MEF2A: variants seen among roughly 807,000 people sequenced by gnomAD.
MEF2A encodes the protein myocyte-specific enhancer factor 2A.
MEF2A carries 28 observed loss-of-function variants against 55.8 expected under a neutral mutation model. The observed-to-expected ratio is 0.50, with a 90% CI of 0.37 to 0.69. The LOEUF (loss-of-function observed/expected upper bound fraction) is 0.69, where lower values mean the gene tolerates loss of function less well. Among genes scored for constraint, MEF2A ranks in the 30% least tolerant of loss-of-function variants. MEF2A has a pLI of 0.00. For missense variants in MEF2A, 528 were observed against 626.2 expected (o/e 0.84, Z 1.67); for synonymous variants, 239 against 227.1 (o/e 1.05, Z -0.47).
At chr15:99,588,764 TG>T (rs1968271353) in intron 1 of MEF2A, among the ~76,000 whole-genome samples, 2 of 151,980 alleles carry the variant, frequency 1.3e-5, no homozygotes, top group African/African-American at 4.8e-5. Flanking sequence ...TTTTTGTTTT[TG>T]TTTTTTTTTT....
Position 99,584,625 on chromosome 15 carries a change from A to G in MEF2A, c.-224-13805A>G, listed in dbSNP as rs115346532. Among the ~76,000 whole-genome samples, 1,477 of 152,292 alleles carry G rather than the reference A, an allele frequency of 9.7e-3. 21 individuals carry two copies. Among genetic ancestry groups the G allele is most frequent in the African/African-American group, 0.032 (1,336 of 41,556 alleles). ...TCCATTTGTATGAAATTTCTGGAAT[A>G]GGCAAATGTATAGAGACAGAAAGTA... On this transcript the variant is annotated intron_variant, in intron 1 of 11. Transcript: ENST00000557942.
At chr15:99,643,399 T>G (rs1225965625) in intron 3 of MEF2A, among the ~76,000 whole-genome samples, 1 of 152,170 alleles carries the variant, frequency 6.6e-6, no homozygotes, top group Non-Finnish European at 1.5e-5. Context: ...TGTGACTTGT[T>G]ATATTTTGTT....
chr15:99,699,248 C>G (rs961925892), intron 8 of MEF2A, among the ~76,000 whole-genome samples: 7 of 152,148 alleles, frequency 4.6e-5, no homozygotes, highest in African/African-American at 1.7e-4. Context: ...TAAAGAAATG[C>G]TACTCAGCAA....
intron 1 of MEF2A, among the ~76,000 whole-genome samples, chr15:99,589,906 A>G (rs893896921): frequency 2.0e-5 from 3 of 151,976 alleles, no homozygotes; most frequent in Non-Finnish European, 4.4e-5. Flanking sequence ...GTCTTGTTTT[A>G]TGGTCCAGCA....
intron 2 of MEF2A, among the ~76,000 whole-genome samples, chr15:99,615,972 A>G (rs1489479574): frequency 6.6e-6 from 1 of 152,074 alleles, no homozygotes. Context: ...TTCAAAATGG[A>G]CTCTTCTGTG....
chr15:99,567,548 A>G (rs1056597815), intron 1 of MEF2A, among the ~76,000 whole-genome samples: 14 of 152,196 alleles, frequency 9.2e-5, no homozygotes, highest in African/African-American at 3.4e-4. Context: ...AAACATACAA[A>G]AATGACATTT....
chr15:99,703,462 C>T (rs2057667357), intron 9 of MEF2A, 77 bp downstream of exon 9: 3 of 1,444,056 alleles, frequency 2.1e-6, no homozygotes, highest in Non-Finnish European at 2.8e-6. Context: ...TGTTATCTAA[C>T]CAATGTTCCC....
In MEF2A at chr15:99,715,089, T is replaced by C. The variant is rs1370366536; in HGVS notation, c.*2318T>C. The stretch of plus-strand genomic sequence containing the variant: ...TTCTTTAAAAATGTACTTACTTTAC[T>C]GAACTACTTACAGGCACATTTCTTC... On this transcript the variant is annotated 3_prime_UTR_variant, in exon 12 of 12. Transcript: ENST00000557942. 6.6e-6 allele frequency: 1 copy of C among 152,230 alleles called. No individual in the cohort carries two copies. Among genetic ancestry groups the C allele is most frequent in the Non-Finnish European group, 1.5e-5 (1 of 68,044 alleles). 9.4% of individuals were successfully genotyped at this position (152,230 alleles called of 1,614,324 possible).
At chr15:99,610,762 A>G (rs1398301866) in intron 2 of MEF2A, among the ~76,000 whole-genome samples, 1 of 152,224 alleles carries the variant, frequency 6.6e-6, no homozygotes, top group Non-Finnish European at 1.5e-5. Flanking sequence ...AACACTATAT[A>G]CAAGAATTGG....
intron 2 of MEF2A, among the ~76,000 whole-genome samples, chr15:99,606,918 T>TA (rs1975356911): frequency 6.6e-6 from 1 of 152,192 alleles, no homozygotes; most frequent in East Asian, 1.9e-4. Context: ...CTCAATATGA[T>TA]GTTCATCATA....
At chr15:99,576,785 C>T (rs892630495) in intron 1 of MEF2A, among the ~76,000 whole-genome samples, 11 of 151,846 alleles carry the variant, frequency 7.2e-5, no homozygotes, top group Admixed American at 3.9e-4. Flanking sequence ...GGACTACAGG[C>T]GCCTGCCACC....
At chr15:99,701,627 A>T (rs1257331774) in intron 8 of MEF2A, among the ~76,000 whole-genome samples, 1 of 152,230 alleles carries the variant, frequency 6.6e-6, no homozygotes, top group Non-Finnish European at 1.5e-5. Context: ...TTTCCTTGTG[A>T]TGTTAACAAT....
intron 4 of MEF2A, among the ~76,000 whole-genome samples, chr15:99,654,775 A>G (rs953043913): frequency 2.0e-5 from 3 of 152,176 alleles, no homozygotes; most frequent in Admixed American, 1.3e-4. Context: ...AAGCAGCACT[A>G]TCTAATAGAA....
intron 1 of MEF2A, among the ~76,000 whole-genome samples, chr15:99,583,849 CACTT>C (rs1966610922): frequency 6.6e-6 from 1 of 152,052 alleles, no homozygotes; most frequent in Non-Finnish European, 1.5e-5. Flanking sequence ...AGTCATGAGT[CACTT>C]AATGACAGGG....
chr15:99,632,759 G>A (rs1338538681), intron 2 of MEF2A, among the ~76,000 whole-genome samples: 1 of 152,154 alleles, frequency 6.6e-6, no homozygotes. Flanking sequence ...AAACATTATT[G>A]TTGCATTAGT....
intron 7 of MEF2A, 42 bp downstream of exon 7, chr15:99,675,500 T>C: frequency 6.6e-7 from 1 of 1,512,212 alleles, no homozygotes. Context: ...GTATCTATCC[T>C]ATATGAGATC....
At chr15:99,606,549 C>A (rs1975199548) in intron 2 of MEF2A, among the ~76,000 whole-genome samples, 1 of 151,792 alleles carries the variant, frequency 6.6e-6, no homozygotes, top group Non-Finnish European at 1.5e-5. Flanking sequence ...CAGAGACAAT[C>A]CAATAGAAAA....
chr15:99,617,389 T>C (rs1356002531), intron 2 of MEF2A, among the ~76,000 whole-genome samples: 1 of 152,082 alleles, frequency 6.6e-6, no homozygotes, highest in Non-Finnish European at 1.5e-5. Flanking sequence ...GATATGTTAT[T>C]AGTACAGTTT....
intron 1 of MEF2A, among the ~76,000 whole-genome samples, chr15:99,587,252 C>G (rs1329743126): frequency 6.6e-6 from 1 of 152,070 alleles, no homozygotes; most frequent in Non-Finnish European, 1.5e-5. Flanking sequence ...GTTCCCCTCC[C>G]TGTGTCCATG....
Sources: gnomAD v4.1 joint callset for allele counts (sites outside exome capture counted in the v4.1 genomes callset) on GRCh38, gnomAD v4.1.1 for gene constraint, MANE v1.5 for transcripts, NCBI Gene and HGNC (gene_info 2026-07-23, HGNC 2026-07-21) for gene names.